The following GLE1 variants were observed in gnomAD, a reference collection of about 807,000 sequenced individuals.
GLE1 encodes mRNA export factor GLE1.
In GLE1, 78 loss-of-function variants were observed where a neutral mutation model predicts 97.3. The ratio of observed to expected loss-of-function variants is 0.80; its 90% CI spans 0.67 to 0.97. GLE1 has a LOEUF of 0.97. Ranked by LOEUF, GLE1 falls within the 50% of genes least tolerant of loss-of-function variation. The pLI is 0.00. For synonymous variants in GLE1, 302 were observed against 313.4 expected (o/e 0.96, Z 0.39); for missense variants, 753 against 857.5 (o/e 0.88, Z 1.52).
chr9:128,538,417 C>A (rs551773169), intron 13 of GLE1, among the ~76,000 whole-genome samples: 1 of 152,192 alleles, frequency 6.6e-6, no homozygotes, highest in African/African-American at 2.4e-5. Flanking sequence ...AATCCCAGCA[C>A]TTTGGGAGGC....
At chr9:128,526,273 G>A (rs1428782300) in intron 7 of GLE1, among the ~76,000 whole-genome samples, 2 of 151,918 alleles carry the variant, frequency 1.3e-5, no homozygotes. Flanking sequence ...ACCCGCCTCG[G>A]CCTCCCAAAA....
At chr9:128,519,784 C>T (rs1255061656) in intron 3 of GLE1, among the ~76,000 whole-genome samples, 1 of 152,142 alleles carries the variant, frequency 6.6e-6, no homozygotes, top group Non-Finnish European at 1.5e-5. Context: ...TTTGAAACTC[C>T]CTAATAAAAA....
chr9:128,509,900 A>G (rs1846755308), intron 2 of GLE1, among the ~76,000 whole-genome samples: 1 of 152,204 alleles, frequency 6.6e-6, no homozygotes, highest in African/African-American at 2.4e-5. Context: ...TTGAGACTAC[A>G]GTGAGCTGTG....
chr9:128,522,634 TTAAA>T lies in GLE1; in HGVS notation c.433-33_433-30del, dbSNP rs1219023781. ...CCTGGCGACAGAGAGAGATTCCATCTTAAAAAAAAAAAAAAAAAAAAAAACCTTT... is the reference window on the plus strand; with the variant it reads ...CCTGGCGACAGAGAGAGATTCCATCTAAAAAAAAAAAAAAAAAAAACCTTT... On this transcript the variant is annotated intron_variant, in intron 3 of 15. Transcript: ENST00000309971. 2.4e-6 allele frequency: 3 copies of T among 1,243,128 alleles called. No homozygotes were observed. In the African/African-American group the frequency reaches 8.3e-5, roughly 34 times the overall value. The allele number at this position is 1,243,128 out of a possible 1,614,324, so 77.0% of individuals were successfully genotyped here. A position where few individuals can be genotyped will look rare whatever the true frequency, so the allele number is the denominator to read the frequency against.
Position 128,523,154 on chromosome 9 carries a change from G to A in GLE1, c.582-126G>A, listed in dbSNP as rs1847202007. Reference sequence around the variant, plus strand: ...TGCTCTGCAGCCTGGGCAACATAACGAGACCCCATCTCTAAGAAAAAGGGA... The same window carrying A: ...TGCTCTGCAGCCTGGGCAACATAACAAGACCCCATCTCTAAGAAAAAGGGA... On this transcript the variant is annotated intron_variant, in intron 4 of 15. Coordinates refer to ENST00000309971, the MANE Select transcript of GLE1 (RefSeq NM_001003722.2). 6.2e-6 allele frequency: 5 copies of A among 805,838 alleles called. No individual in the cohort carries two copies. In the Admixed American group the frequency reaches 7.3e-5, roughly 12 times the overall value. 49.9% of individuals were successfully genotyped at this position (805,838 alleles called of 1,614,324 possible). A position where few individuals can be genotyped will look rare whatever the true frequency, so the allele number is the denominator to read the frequency against.
chr9:128,511,138 A>G (rs1447894590), intron 2 of GLE1, among the ~76,000 whole-genome samples: 1 of 151,460 alleles, frequency 6.6e-6, no homozygotes, highest in African/African-American at 2.4e-5. Context: ...CGGGAGACGG[A>G]GGTTGCAGTG....
Position 128,538,030 on chromosome 9 carries a change from G to C in GLE1, c.1821G>C (p.Gln607His). ...GLNHGWRWLAQILNMEPLSDV... is the reference protein window; with the variant it reads ...GLNHGWRWLAHILNMEPLSDV... ...ATCATGGATGGCGCTGGTTGGCACA[G>C]ATCTTAAACATGGAGCCCTTGTCAG... The change falls in exon 13 of 16, where the codon CAG (glutamine) becomes CAC (histidine). Residue 607 changes from glutamine (Q) to histidine (H), a missense_variant. Transcript: ENST00000309971. 6.2e-7 allele frequency: 1 copy of C among 1,613,214 alleles called. No individual in the cohort carries two copies. The highest frequency in any genetic ancestry group is 8.5e-7 in the Non-Finnish European group (1 of 1,179,148).
rs554783948 is a variant in GLE1 at position 128,541,519 on chromosome 9, G to A, written c.*349G>A. On this transcript the variant is annotated 3_prime_UTR_variant, in exon 16 of 16. Coordinates refer to ENST00000309971, the MANE Select transcript of GLE1 (RefSeq NM_001003722.2). ...ACCTTAACAAATGCACTCTGAGCTG[G>A]AGGGAGCCCACCATTTGCACCCACC... 9.6e-6 allele frequency: 3 copies of A among 313,096 alleles called. No homozygotes were observed. Among genetic ancestry groups the A allele is most frequent in the African/African-American group, 6.4e-5 (3 of 46,668 alleles). The allele number at this position is 313,096 out of a possible 1,614,324, so 19.4% of individuals were successfully genotyped here. A position where few individuals can be genotyped will look rare whatever the true frequency, so the allele number is the denominator to read the frequency against.
intron 9 of GLE1, chr9:128,529,087 C>G (rs760058676): frequency 6.6e-6 from 1 of 152,222 alleles, no homozygotes; most frequent in Non-Finnish European, 1.5e-5. Context: ...GAAATTCTTT[C>G]TGGAACAGGG....
chr9:128,515,279 C>CA (rs1025800659), intron 2 of GLE1, among the ~76,000 whole-genome samples: 2 of 151,336 alleles, frequency 1.3e-5, no homozygotes, highest in Non-Finnish European at 3.0e-5. Flanking sequence ...ACAAACAAGT[C>CA]AAAAAAAACA....
chr9:128,509,429 A>G (rs1036764196), intron 2 of GLE1, among the ~76,000 whole-genome samples: 4 of 151,540 alleles, frequency 2.6e-5, no homozygotes, highest in Admixed American at 2.0e-4. Context: ...AGTGAAATGT[A>G]TACCTTCTCT....
At chr9:128,519,118 A>G (rs111329342) in intron 3 of GLE1, among the ~76,000 whole-genome samples, 7 of 152,284 alleles carry the variant, frequency 4.6e-5, no homozygotes, top group African/African-American at 1.4e-4. Flanking sequence ...CTTTACTTTA[A>G]TCTCTTAATC....
intron 7 of GLE1, 28 bp downstream of exon 7, chr9:128,525,451 T>A: frequency 7.5e-7 from 1 of 1,331,552 alleles, no homozygotes; most frequent in Non-Finnish European, 1.1e-6. Flanking sequence ...TGTGGTCCTT[T>A]AACTCGTAAG....
At chr9:128,505,363 A>C (rs1377933390) in intron 1 of GLE1, among the ~76,000 whole-genome samples, 1 of 152,138 alleles carries the variant, frequency 6.6e-6, no homozygotes, top group African/African-American at 2.4e-5. Context: ...CGTACCTAGC[A>C]TTTGCAAAGC....
rs1017545536 is a variant in GLE1, at chr9:128,541,166, C to T, written c.2093C>T (p.Ser698Phe). The T allele has an allele frequency of 6.5e-7, 1 of 1,539,090 alleles. No homozygotes were observed. The highest frequency in any genetic ancestry group is 1.4e-5 in the African/African-American group (1 of 73,598). Residue 698 changes from serine (S) to phenylalanine (F), a missense_variant, in exon 16 of 16, where the codon TCC becomes TTC. Transcript: ENST00000309971. ...KGFLTSSFWR[S>F] ...TTTCTGACTTCCTCCTTCTGGCGCT[C>T]CTGATGTCACTCCATCACCCACCAT...
intron 9 of GLE1, among the ~76,000 whole-genome samples, chr9:128,530,589 GGGAA>G (rs1359616591): frequency 6.6e-6 from 1 of 152,144 alleles, no homozygotes; most frequent in East Asian, 1.9e-4. Flanking sequence ...ATGAATAGGA[GGGAA>G]GGATCACCTA....
chr9:128,511,261 A>G (rs1281659173), intron 2 of GLE1, among the ~76,000 whole-genome samples: 1 of 148,294 alleles, frequency 6.7e-6, no homozygotes, highest in Admixed American at 6.8e-5. Context: ...AATAATATAT[A>G]TATTATAAAT....
chr9:128,525,425 T>A lies in GLE1; in HGVS notation c.1129+2T>A. On this transcript the variant is annotated splice_donor_variant, in intron 7 of 15. Coordinates refer to ENST00000309971, the MANE Select transcript of GLE1 (RefSeq NM_001003722.2). LOFTEE classifies it high-confidence loss of function. ...GCCCAGGAGGGAAACAGAATGAAGGTGGGTTTCAGTATGGATGTGGTCCTT... is the reference window on the plus strand; with the variant it reads ...GCCCAGGAGGGAAACAGAATGAAGGAGGGTTTCAGTATGGATGTGGTCCTT... 1 of 1,560,400 alleles carries A rather than the reference T, an allele frequency of 6.4e-7. No individual in the cohort carries two copies. Among genetic ancestry groups the A allele is most frequent in the Non-Finnish European group, 8.8e-7 (1 of 1,140,428 alleles).
At position 128,541,949 on chromosome 9, in the gene GLE1, A is replaced by G. The variant is rs1289090853; in HGVS notation, c.*779A>G. 1 of 152,234 alleles carries G rather than the reference A, an allele frequency of 6.6e-6. No homozygotes were observed. Among genetic ancestry groups the G allele is most frequent in the Non-Finnish European group, 1.5e-5 (1 of 68,078 alleles). 9.4% of individuals were successfully genotyped at this position (152,234 alleles called of 1,614,324 possible). On this transcript the variant is annotated 3_prime_UTR_variant, in exon 16 of 16. Coordinates refer to ENST00000309971, the MANE Select transcript of GLE1 (RefSeq NM_001003722.2). Reference sequence around the variant, plus strand: ...GGGCTAAGATGGGGCTTGCAACATTAAACATGAGCTGAGCATCCATAAGCA... The same window carrying G: ...GGGCTAAGATGGGGCTTGCAACATTGAACATGAGCTGAGCATCCATAAGCA...
Sources: allele counts gnomAD v4.1 joint callset (sites outside exome capture counted in the v4.1 genomes callset), GRCh38; gene constraint gnomAD v4.1.1; transcripts MANE v1.5; gene names NCBI Gene and HGNC (gene_info 2026-07-23, HGNC 2026-07-21).